Variants in LARP1 observed in about 807,000 individuals in gnomAD.
LARP1 encodes la-related protein 1.
Under a neutral mutation model 122.7 loss-of-function variants are expected in LARP1, and 36 were observed. That is an observed-to-expected ratio of 0.29 (90% confidence interval 0.22 to 0.39). The LOEUF is 0.39. Ranked by LOEUF, LARP1 falls within the 10% of genes least tolerant of loss-of-function variation. The probability of loss-of-function intolerance (pLI) is 1.00; values close to 1 mark genes in which losing one functional copy is unlikely to be tolerated. For missense variants in LARP1, 1,040 were observed against 1,403.6 expected, an observed-to-expected ratio of 0.74 and a Z score of 4.14; for synonymous variants, 539 against 528.7, an observed-to-expected ratio of 1.02 and a Z score of -0.27.
At chr5:154,781,928 A>G (rs1756483351) in intron 1 of LARP1, among the ~76,000 whole-genome samples, 1 of 152,214 alleles carries the variant, frequency 6.6e-6, no homozygotes, top group Admixed American at 6.5e-5. Flanking sequence ...AGATGCAACC[A>G]TTTCAGGCGG....
At position 154,755,670 on chromosome 5, in the gene LARP1, A is replaced by G. The variant is rs1753801833; in HGVS notation, c.-88A>G. The G allele has an allele frequency of 2.0e-6, 2 of 987,336 alleles. No homozygotes were observed. Among genetic ancestry groups the G allele is most frequent in the African/African-American group, 1.7e-5 (1 of 57,224 alleles). The allele number at this position is 987,336 out of a possible 1,614,324, so 61.2% of individuals were successfully genotyped here. The stretch of plus-strand genomic sequence containing the variant: ...GACTGGGGCCCAGCGCCCCGGAGGA[A>G]GGCGTCGCGGGCGCTCTGCTAGCCA... On this transcript the variant is annotated 5_prime_UTR_variant, in exon 1 of 19. Coordinates refer to ENST00000518297, the MANE Select transcript of LARP1 (RefSeq NM_033551.3).
chr5:154,700,977 GA>G (rs1227060459), intron 1 of LARP1, among the ~76,000 whole-genome samples: 1 of 151,524 alleles, frequency 6.6e-6, no homozygotes, highest in Non-Finnish European at 1.5e-5. Context: ...AAAAAAAAAA[GA>G]AAAAAATATT....
chr5:154,704,201 G>A (rs890863284), intron 1 of LARP1, among the ~76,000 whole-genome samples: 16 of 152,204 alleles, frequency 1.1e-4, no homozygotes, highest in South Asian at 8.3e-4. Flanking sequence ...AGTACGATAA[G>A]CACTGAGAAG....
intron 1 of LARP1, among the ~76,000 whole-genome samples, chr5:154,746,782 C>A (rs1353551251): frequency 6.6e-6 from 1 of 152,110 alleles, no homozygotes; most frequent in African/African-American, 2.4e-5. Flanking sequence ...GAGAATTACT[C>A]AAGGCCAGGA....
At chr5:154,788,266 C>G (rs1245115319) in intron 1 of LARP1, among the ~76,000 whole-genome samples, 1 of 152,172 alleles carries the variant, frequency 6.6e-6, no homozygotes, top group Admixed American at 6.5e-5. Context: ...GAACTCTATC[C>G]TCTTGGGATT....
chr5:154,689,638 A>G (rs1288058092), intron 1 of LARP1, among the ~76,000 whole-genome samples: 2 of 150,092 alleles, frequency 1.3e-5, no homozygotes, highest in Non-Finnish European at 3.0e-5. Flanking sequence ...AAAAAAAAAG[A>G]AAGAAAAGAA....
Position 154,799,573 on chromosome 5 carries a change from C to T in LARP1, c.1378-18C>T, listed in dbSNP as rs1427295560. ...AAGATTTTCTTCTTAATCCCCTCTT[C>T]CTTCTCCTCCCCTTCAGGCCCTAAA... On this transcript the variant is annotated intron_variant, in intron 8 of 18. Coordinates refer to ENST00000518297, the MANE Select transcript of LARP1 (RefSeq NM_033551.3). The T allele has an allele frequency of 2.5e-6, 4 of 1,612,362 alleles. No homozygotes were observed. The highest frequency in any genetic ancestry group is 3.4e-6 in the Non-Finnish European group (4 of 1,178,636).
intron 1 of LARP1, among the ~76,000 whole-genome samples, chr5:154,741,913 CA>C (rs1752904315): frequency 6.6e-6 from 1 of 152,178 alleles, no homozygotes; most frequent in African/African-American, 2.4e-5. Flanking sequence ...GATACCTATG[CA>C]AAATGAGCCC....
At chr5:154,700,757 G>A (rs1056861840) in intron 1 of LARP1, among the ~76,000 whole-genome samples, 8 of 151,810 alleles carry the variant, frequency 5.3e-5, no homozygotes, top group East Asian at 4.0e-4. Flanking sequence ...CCAAATAGCC[G>A]GGATTACAGG....
chr5:154,755,182 C>T (rs1211354283), upstream of LARP1, among the ~76,000 whole-genome samples: 1 of 150,036 alleles, frequency 6.7e-6, no homozygotes, highest in African/African-American at 2.4e-5. Flanking sequence ...AGGGGCGGGG[C>T]GAGGGGCAGG....
chr5:154,690,519 A>T (rs1014974370), intron 1 of LARP1, among the ~76,000 whole-genome samples: 1 of 152,224 alleles, frequency 6.6e-6, no homozygotes, highest in Non-Finnish European at 1.5e-5. Flanking sequence ...ACAGAGAGGG[A>T]AAGTGACCAT....
intron 1 of LARP1, among the ~76,000 whole-genome samples, chr5:154,740,740 G>C (rs977145971): frequency 2.6e-4 from 40 of 152,246 alleles, no homozygotes; most frequent in African/African-American, 9.4e-4. Context: ...GAGATGAGCA[G>C]CTCTGAAAGG....
chr5:154,761,496 A>G (rs548960195), intron 1 of LARP1, among the ~76,000 whole-genome samples: 2 of 152,272 alleles, frequency 1.3e-5, no homozygotes, highest in South Asian at 2.1e-4. Context: ...GCCTGAAACT[A>G]CAAAACCTCT....
chr5:154,698,592 T>C (rs1754579510), intron 1 of LARP1, among the ~76,000 whole-genome samples: 1 of 152,140 alleles, frequency 6.6e-6, no homozygotes, highest in Admixed American at 6.6e-5. Context: ...AGCGAGGCTG[T>C]GTCTCAAAAT....
upstream of LARP1, among the ~76,000 whole-genome samples, chr5:154,754,144 T>A (rs1753654556): frequency 6.6e-6 from 1 of 151,674 alleles, no homozygotes; most frequent in Admixed American, 6.6e-5. Flanking sequence ...CCATCTAGTC[T>A]AACTGATTAC....
intron 1 of LARP1, among the ~76,000 whole-genome samples, chr5:154,692,007 G>A (rs948493185): frequency 2.0e-5 from 3 of 152,126 alleles, no homozygotes; most frequent in Non-Finnish European, 4.4e-5. Context: ...GGCCAGGCTG[G>A]TCTTGAACAT....
chr5:154,725,047 C>A (rs1221036690), intron 1 of LARP1, among the ~76,000 whole-genome samples: 1 of 151,908 alleles, frequency 6.6e-6, no homozygotes, highest in Admixed American at 6.6e-5. Flanking sequence ...GAGGCTGAGG[C>A]CAGCCTGGGC....
At chr5:154,788,373 G>A (rs1423362647) in intron 1 of LARP1, among the ~76,000 whole-genome samples, 1 of 152,216 alleles carries the variant, frequency 6.6e-6, no homozygotes, top group Non-Finnish European at 1.5e-5. Context: ...GGGGTATCTT[G>A]AGGGGGTAGT....
chr5:154,769,686 C>T (rs1019810736), intron 1 of LARP1, among the ~76,000 whole-genome samples: 2 of 152,168 alleles, frequency 1.3e-5, no homozygotes, highest in African/African-American at 2.4e-5. Context: ...CCCTCATCTG[C>T]GAAATGGATA....
Sources: allele counts gnomAD v4.1 joint callset (sites outside exome capture counted in the v4.1 genomes callset), GRCh38; gene constraint gnomAD v4.1.1; transcripts MANE v1.5; gene names NCBI Gene and HGNC (gene_info 2026-07-23, HGNC 2026-07-21).